Variants in CSMD3 observed in about 807,000 individuals in gnomAD.
CSMD3 encodes CUB and Sushi multiple domains 3.
In CSMD3, 177 loss-of-function variants were observed where a neutral mutation model predicts 435.2. The ratio of observed to expected loss-of-function variants is 0.41; its 90% CI spans 0.36 to 0.46. CSMD3 has a LOEUF of 0.46. Among genes scored for constraint, CSMD3 ranks in the 20% least tolerant of loss-of-function variants. CSMD3 has a pLI of 0.34. For missense variants in CSMD3, 4,265 were observed against 4,504.6 expected (o/e 0.95, Z 1.52); for synonymous variants, 1,656 against 1,520.5 (o/e 1.09, Z -2.07).
In CSMD3 at chr8:112,224,930, C is replaced by T. The variant is rs1187505973; in HGVS notation, c.10965G>A (p.Arg3655=). Residue 3655 remains arginine, a splice_region_variant and synonymous_variant, in exon 71 of 71, where the codon AGG becomes AGA. Coordinates refer to ENST00000297405, the MANE Select transcript of CSMD3 (RefSeq NM_198123.2). ...CTGTATACTGTGTTTTAGGTGCAGT[C>T]CTGTTGATGAGAACATTGATTAGCT... ...AGFGFYLYKQ[R]TAPKTQYTGC... 6.2e-7 allele frequency: 1 copy of T among 1,613,818 alleles called. No individual in the cohort carries two copies. Among genetic ancestry groups the T allele is most frequent in the South Asian group, 1.1e-5 (1 of 91,072 alleles).
intron 4 of CSMD3, among the ~76,000 whole-genome samples, chr8:113,124,602 T>A (rs1564342305): frequency 6.6e-6 from 1 of 151,944 alleles, no homozygotes; most frequent in Non-Finnish European, 1.5e-5. Flanking sequence ...TTTGGTGATA[T>A]GTTGGATAAA....
At chr8:112,849,234 G>T (rs1045986383) in intron 11 of CSMD3, among the ~76,000 whole-genome samples, 5 of 151,956 alleles carry the variant, frequency 3.3e-5, no homozygotes, top group East Asian at 1.9e-4. Context: ...ACCTCTCAAA[G>T]AATTGTATTT....
chr8:112,788,097 T>C lies in CSMD3; in HGVS notation c.1972+12065A>G, dbSNP rs28669143. On this transcript the variant is annotated intron_variant, in intron 13 of 70. Coordinates refer to ENST00000297405, the MANE Select transcript of CSMD3 (RefSeq NM_198123.2). Reference sequence around the variant, plus strand: ...TATCCCTACCATGTACCCATAAAAATGAAAAATTAAATTTTTGTTTTAAAA... The same window carrying C: ...TATCCCTACCATGTACCCATAAAAACGAAAAATTAAATTTTTGTTTTAAAA... Among the ~76,000 whole-genome samples the C allele has an allele frequency of 9.9e-5, 15 of 151,864 alleles. No individual in the cohort carries two copies. In the East Asian group the frequency reaches 2.1e-3, roughly 22 times the overall value.
At chr8:112,701,490 G>T (rs2076387817) in intron 13 of CSMD3, among the ~76,000 whole-genome samples, 1 of 151,998 alleles carries the variant, frequency 6.6e-6, no homozygotes, top group Non-Finnish European at 1.5e-5. Context: ...CATGATAATC[G>T]AGAGAAAGAA....
chr8:113,058,418 G>C (rs916717501), intron 5 of CSMD3, among the ~76,000 whole-genome samples: 2 of 151,688 alleles, frequency 1.3e-5, no homozygotes, highest in African/African-American at 4.8e-5. Context: ...TATTGAGTTT[G>C]CTGGGTTTTT....
intron 1 of CSMD3, among the ~76,000 whole-genome samples, chr8:113,328,223 G>A (rs1305554069): frequency 6.6e-6 from 1 of 151,768 alleles, no homozygotes; most frequent in Non-Finnish European, 1.5e-5. Flanking sequence ...CGGATCACGA[G>A]GTCAGGAGAT....
intron 13 of CSMD3, among the ~76,000 whole-genome samples, chr8:112,695,458 T>A (rs377278506): frequency 6.6e-6 from 1 of 152,162 alleles, no homozygotes; most frequent in South Asian, 2.1e-4. Context: ...ATCCAGCATA[T>A]AAAGAGAACC....
intron 1 of CSMD3, among the ~76,000 whole-genome samples, chr8:113,382,676 G>A (rs778576713): frequency 3.7e-4 from 57 of 152,060 alleles, no homozygotes; most frequent in Admixed American, 4.6e-4. Context: ...AGTCACTTCC[G>A]CACAAGAATT....
chr8:112,595,182 A>G (rs960038558), intron 22 of CSMD3, among the ~76,000 whole-genome samples: 10 of 150,302 alleles, frequency 6.7e-5, no homozygotes, highest in Admixed American at 4.6e-4. Context: ...GAGCTGATGG[A>G]GCTGAAAACC....
At chr8:112,471,227 C>T (rs559534066) in intron 32 of CSMD3, among the ~76,000 whole-genome samples, 1 of 152,204 alleles carries the variant, frequency 6.6e-6, no homozygotes, top group Non-Finnish European at 1.5e-5. Flanking sequence ...AAATTAATGG[C>T]TTCCGAAGAG....
chr8:112,254,128 T>A, intron 63 of CSMD3, 125 bp downstream of exon 63: 1 of 811,168 alleles, frequency 1.2e-6, no homozygotes, highest in Non-Finnish European at 2.2e-6. Context: ...CTGTTACCCT[T>A]TTTATGTGTT....
intron 20 of CSMD3, among the ~76,000 whole-genome samples, chr8:112,642,703 T>C (rs893378726): frequency 3.4e-5 from 5 of 147,898 alleles, no homozygotes; most frequent in African/African-American, 1.0e-4. Context: ...GGGATACATA[T>C]AAAAGCTTGC....
chr8:112,420,558 T>C (rs780247914), intron 32 of CSMD3, among the ~76,000 whole-genome samples: 23 of 152,176 alleles, frequency 1.5e-4, no homozygotes, highest in Non-Finnish European at 2.5e-4. Flanking sequence ...TTGCTAATGT[T>C]ACTTTTAATA....
At chr8:112,618,296 A>T (rs1336268450) in intron 22 of CSMD3, among the ~76,000 whole-genome samples, 1 of 152,090 alleles carries the variant, frequency 6.6e-6, no homozygotes, top group Non-Finnish European at 1.5e-5. Context: ...ATTGAGAAAT[A>T]ATAATTAGGA....
At chr8:112,525,407 A>AAAGCTCAAG in intron 27 of CSMD3, among the ~76,000 whole-genome samples, 1 of 150,322 alleles carries the variant, frequency 6.7e-6, no homozygotes, top group Non-Finnish European at 1.5e-5. Context: ...AATAAAGTAG[A>AAAGCTCAAG]AGTTTAATCC....
chr8:113,357,320 A>G (rs1183305016), intron 1 of CSMD3, among the ~76,000 whole-genome samples: 1 of 152,206 alleles, frequency 6.6e-6, no homozygotes. Flanking sequence ...TAGAAAATGA[A>G]GTAATTTTCT....
chr8:112,848,237 C>T (rs1452231849), intron 11 of CSMD3, among the ~76,000 whole-genome samples: 2 of 151,988 alleles, frequency 1.3e-5, no homozygotes, highest in Admixed American at 1.3e-4. Flanking sequence ...CTTATGGTAG[C>T]TCTAGAGAAA....
intron 7 of CSMD3, among the ~76,000 whole-genome samples, chr8:112,975,139 A>G (rs1037863066): frequency 6.6e-6 from 1 of 151,914 alleles, no homozygotes; most frequent in African/African-American, 2.4e-5. Flanking sequence ...GTAGGCTTAT[A>G]TTAACTGAGT....
rs182662309 is a variant in CSMD3, at chr8:113,229,923, C to T, written c.514+48669G>A. ...ACTCTCTCTATACCTGTATTTTGGC[C>T]ATTTGTCTAGACCCCATACCACGTG... is the stretch of plus-strand genomic sequence containing the variant. On this transcript the variant is annotated intron_variant, in intron 3 of 70. Transcript: ENST00000297405. Among the ~76,000 whole-genome samples, 4 of 151,574 alleles carry T rather than the reference C, an allele frequency of 2.6e-5. No individual in the cohort carries two copies. The Admixed American group carries it at 2.6e-4, about 10-fold the overall frequency.
Sources: allele counts gnomAD v4.1 joint callset (sites outside exome capture counted in the v4.1 genomes callset), GRCh38; gene constraint gnomAD v4.1.1; transcripts MANE v1.5; gene names NCBI Gene and HGNC (gene_info 2026-07-23, HGNC 2026-07-21).